The following GPHN variants were observed in gnomAD, a reference collection of about 807,000 sequenced individuals.
The protein encoded by GPHN is gephyrin.
In GPHN, 17 loss-of-function variants were observed where a neutral mutation model predicts 95.5. That is an observed-to-expected ratio of 0.18 (90% CI 0.12 to 0.27). The LOEUF is 0.27. Among genes scored for constraint, GPHN ranks in the 10% least tolerant of loss-of-function variants. The probability of loss-of-function intolerance (pLI) is 1.00; values close to 1 mark genes in which losing one functional copy is unlikely to be tolerated. For missense variants in GPHN, 660 were observed against 978.1 expected (o/e 0.67, Z 4.34); for synonymous variants, 320 against 322.5 (o/e 0.99, Z 0.08).
chr14:67,229,764 CT>C, the GPHN span, among the ~76,000 whole-genome samples: 6 of 152,158 alleles, frequency 3.9e-5, no homozygotes, highest in East Asian at 1.2e-3. Flanking sequence ...TTTAATCTTT[CT>C]TTTTACTCTT....
the GPHN span, among the ~76,000 whole-genome samples, chr14:67,701,024 CAA>C: frequency 0.018 from 1,241 of 67,434 alleles, 13 homozygotes; most frequent in African/African-American, 0.064. Context: ...AATTTCATCT[CAA>C]AAAAAAAAAA....
At chr14:67,572,261 G>C in the GPHN span, 1 of 1,602,032 alleles carries the variant, frequency 6.2e-7, no homozygotes, top group Non-Finnish European at 8.5e-7. Flanking sequence ...TCCACCGACG[G>C]GCTGGGCCTG....
chr14:67,422,278 C>T, the GPHN span, among the ~76,000 whole-genome samples: 2 of 152,154 alleles, frequency 1.3e-5, no homozygotes, highest in South Asian at 4.1e-4. Context: ...CCTGCCTTGC[C>T]TTCCCCTTGA....
At chr14:67,105,430 G>T (rs114973398) in intron 13 of GPHN, among the ~76,000 whole-genome samples, 2 of 152,194 alleles carry the variant, frequency 1.3e-5, no homozygotes, top group African/African-American at 4.8e-5. Context: ...TGAGAGTAGG[G>T]TGTCAAACTC....
At chr14:66,891,331 C>A (rs537249237) in intron 5 of GPHN, among the ~76,000 whole-genome samples, 2 of 151,912 alleles carry the variant, frequency 1.3e-5, no homozygotes, top group South Asian at 4.2e-4. Context: ...AAACAAGAGC[C>A]CAGAAATAAG....
intron 1 of GPHN, among the ~76,000 whole-genome samples, chr14:66,564,371 A>T (rs901440672): frequency 2.6e-5 from 4 of 152,166 alleles, no homozygotes; most frequent in African/African-American, 9.6e-5. Context: ...GAATAAAAAA[A>T]TTTTATAAAT....
the GPHN span, among the ~76,000 whole-genome samples, chr14:67,493,443 G>C: frequency 6.6e-6 from 1 of 152,134 alleles, no homozygotes; most frequent in African/African-American, 2.4e-5. Context: ...TCTGTGTTAG[G>C]GATAAAAACC....
At chr14:66,927,867 C>T (rs906798770) in intron 8 of GPHN, among the ~76,000 whole-genome samples, 3 of 152,276 alleles carry the variant, frequency 2.0e-5, no homozygotes, top group East Asian at 1.9e-4. Flanking sequence ...TTGAACCATC[C>T]TTCCATCCCT....
chr14:66,631,951 T>C (rs1446816117), intron 1 of GPHN, among the ~76,000 whole-genome samples: 1 of 152,186 alleles, frequency 6.6e-6, no homozygotes, highest in East Asian at 1.9e-4. Context: ...TTGAACTCTT[T>C]ATTATCCTTC....
chr14:67,412,182 G>A, the GPHN span: 3 of 728,364 alleles, frequency 4.1e-6, no homozygotes, highest in Middle Eastern at 3.2e-4. Flanking sequence ...GACGCGGCAG[G>A]GCGACGCCTC....
intron 11 of GPHN, among the ~76,000 whole-genome samples, chr14:67,060,080 AAAAT>A (rs765383790): frequency 3.6e-4 from 55 of 152,214 alleles, no homozygotes; most frequent in Admixed American, 6.5e-4. Context: ...ACCTGTTATA[AAAAT>A]AAATAAACCA....
the GPHN span, chr14:67,382,697 T>A: frequency 7.7e-7 from 1 of 1,301,848 alleles, no homozygotes; most frequent in African/African-American, 1.5e-5. Flanking sequence ...TGTAGGATGG[T>A]CATTCAGGCC....
the GPHN span, among the ~76,000 whole-genome samples, chr14:67,249,043 AC>A: frequency 2.0e-5 from 3 of 151,632 alleles, no homozygotes; most frequent in African/African-American, 7.3e-5. Flanking sequence ...GCTCACTGCA[AC>A]CTCTGCCTCC....
At chr14:67,045,499 T>G (rs1479928919) in intron 10 of GPHN, among the ~76,000 whole-genome samples, 1 of 149,208 alleles carries the variant, frequency 6.7e-6, no homozygotes, top group Non-Finnish European at 1.5e-5. Context: ...GTGTCTGTCT[T>G]TGTCTTTCTC....
chr14:67,437,758 C>T, the GPHN span, among the ~76,000 whole-genome samples: 15 of 152,146 alleles, frequency 9.9e-5, no homozygotes, highest in Non-Finnish European at 1.2e-4. Flanking sequence ...GCCTGAATCC[C>T]AGATTTCTAG....
the GPHN span, chr14:67,733,855 G>A: frequency 1.9e-6 from 3 of 1,598,404 alleles, no homozygotes; most frequent in Non-Finnish European, 1.7e-6. Flanking sequence ...GTAGCTGGTG[G>A]AAGAGCTGCA....
intron 2 of GPHN, among the ~76,000 whole-genome samples, chr14:66,689,710 T>A (rs1228539346): frequency 6.6e-6 from 1 of 152,184 alleles, no homozygotes; most frequent in East Asian, 1.9e-4. Context: ...TTTAGTCACG[T>A]TAATTTTCAA....
chr14:67,688,077 C>T, the GPHN span, among the ~76,000 whole-genome samples: 1 of 152,010 alleles, frequency 6.6e-6, no homozygotes, highest in African/African-American at 2.4e-5. Context: ...CCGGCCTCAG[C>T]CTCCACATTC....
chr14:66,556,346 G>A (rs1475928620), intron 1 of GPHN, among the ~76,000 whole-genome samples: 1 of 152,082 alleles, frequency 6.6e-6, no homozygotes, highest in Non-Finnish European at 1.5e-5. Context: ...TTTAAAAGGT[G>A]GTTGCAGAAC....
Sources: allele counts gnomAD v4.1 joint callset (sites outside exome capture counted in the v4.1 genomes callset), GRCh38; gene constraint gnomAD v4.1.1; transcripts MANE v1.5; gene names NCBI Gene and HGNC (gene_info 2026-07-23, HGNC 2026-07-21).